The following NLGN1 variants were observed in gnomAD, a reference collection of about 807,000 sequenced individuals.
NLGN1 encodes the protein neuroligin-1.
NLGN1 carries 12 observed loss-of-function variants against 65.5 expected under a neutral mutation model. The observed-to-expected ratio is 0.18, with a 90% CI of 0.12 to 0.30. The LOEUF (loss-of-function observed/expected upper bound fraction) is 0.30, where lower values mean the gene tolerates loss of function less well. Among genes scored for constraint, NLGN1 ranks in the 10% least tolerant of loss-of-function variants. The pLI is 1.00. For synonymous variants in NLGN1, 350 were observed against 359.5 expected, an observed-to-expected ratio of 0.97 and a Z score of 0.30; for missense variants, 750 against 1,007.1, an observed-to-expected ratio of 0.74 and a Z score of 3.46.
chr3:173,838,094 AT>A (rs751726273), intron 4 of NLGN1, among the ~76,000 whole-genome samples: 1 of 152,020 alleles, frequency 6.6e-6, no homozygotes, highest in Non-Finnish European at 1.5e-5. Context: ...GTAGAATGAG[AT>A]TTTTTTGATT....
chr3:173,486,105 C>T (rs1053163826), intron 2 of NLGN1, among the ~76,000 whole-genome samples: 2 of 152,036 alleles, frequency 1.3e-5, no homozygotes, highest in Non-Finnish European at 2.9e-5. Context: ...AGTACAGTGG[C>T]GTGATCTTGG....
chr3:174,201,000 GC>G (rs1313019287), intron 4 of NLGN1, among the ~76,000 whole-genome samples: 1 of 152,116 alleles, frequency 6.6e-6, no homozygotes, highest in Non-Finnish European at 1.5e-5. Context: ...ACTTTAGAAT[GC>G]CGAGGTAGGT....
chr3:173,428,572 C>CT (rs1216994484), intron 1 of NLGN1, among the ~76,000 whole-genome samples: 2 of 151,778 alleles, frequency 1.3e-5, no homozygotes, highest in African/African-American at 2.4e-5. Flanking sequence ...ACATTTTGAC[C>CT]TTTTTTGTCT....
intron 2 of NLGN1, among the ~76,000 whole-genome samples, chr3:173,500,515 T>G (rs1013145806): frequency 4.6e-5 from 7 of 152,084 alleles, no homozygotes; most frequent in African/African-American, 1.7e-4. Flanking sequence ...AAAATTCTCT[T>G]TTTTTTGTGT....
intron 2 of NLGN1, among the ~76,000 whole-genome samples, chr3:173,456,714 G>A (rs1011014662): frequency 1.3e-5 from 2 of 152,040 alleles, no homozygotes; most frequent in Non-Finnish European, 2.9e-5. Context: ...AGAAAGCCAA[G>A]CCATTACTAC....
intron 4 of NLGN1, among the ~76,000 whole-genome samples, chr3:173,851,963 A>G (rs1044406014): frequency 3.9e-5 from 6 of 151,918 alleles, no homozygotes; most frequent in Non-Finnish European, 8.8e-5. Flanking sequence ...CATTAGTAGT[A>G]TGGAAAATCA....
At chr3:174,105,524 A>G (rs1713530885) in intron 4 of NLGN1, among the ~76,000 whole-genome samples, 1 of 152,114 alleles carries the variant, frequency 6.6e-6, no homozygotes, top group African/African-American at 2.4e-5. Flanking sequence ...ATCCTGGGCA[A>G]CAAAGTGAGA....
chr3:173,507,095 T>C (rs754488312), intron 2 of NLGN1, among the ~76,000 whole-genome samples: 1 of 152,200 alleles, frequency 6.6e-6, no homozygotes, highest in Non-Finnish European at 1.5e-5. Context: ...GAACACTTGC[T>C]ACTTCACACT....
chr3:174,167,804 T>C lies in NLGN1; in HGVS notation c.647-107511T>C, dbSNP rs1300066162. 3.3e-4 allele frequency among the ~76,000 whole-genome samples: 50 copies of C among 151,954 alleles called. 1 individual carries two copies. Among genetic ancestry groups the C allele is most frequent in the Admixed American group, 3.3e-3 (50 of 15,250 alleles). ...ATTCCTTCAAATATGTTTTTCAAGT[T>C]GTTTGCTTTTTTCTTTCTCTCTCAG... is the stretch of plus-strand genomic sequence containing the variant. On this transcript the variant is annotated intron_variant, in intron 4 of 6. Coordinates refer to ENST00000457714, the Ensembl canonical transcript of NLGN1.
At chr3:173,889,881 G>C (rs1042301033) in intron 4 of NLGN1, among the ~76,000 whole-genome samples, 1 of 151,944 alleles carries the variant, frequency 6.6e-6, no homozygotes, top group Non-Finnish European at 1.5e-5. Flanking sequence ...CAAAGAAAAC[G>C]TTTAAATTCT....
chr3:173,875,218 A>C (rs1449715586), intron 4 of NLGN1, among the ~76,000 whole-genome samples: 1 of 152,200 alleles, frequency 6.6e-6, no homozygotes, highest in Non-Finnish European at 1.5e-5. Flanking sequence ...TTGGTGAGTC[A>C]GTATAAAAAC....
chr3:173,773,523 T>C (rs376087137), intron 3 of NLGN1, among the ~76,000 whole-genome samples: 14 of 152,190 alleles, frequency 9.2e-5, no homozygotes, highest in Admixed American at 7.2e-4. Flanking sequence ...CATTATTGAT[T>C]TTAACTTACC....
chr3:173,712,184 TTTG>T (rs1769097633), intron 3 of NLGN1, among the ~76,000 whole-genome samples: 1 of 148,280 alleles, frequency 6.7e-6, no homozygotes. Flanking sequence ...CTGCAGTTTT[TTTG>T]TTTTGCTTTT....
chr3:174,004,834 C>A (rs759669484), intron 4 of NLGN1, among the ~76,000 whole-genome samples: 5 of 152,020 alleles, frequency 3.3e-5, no homozygotes, highest in Non-Finnish European at 7.4e-5. Context: ...CTGGGAGAGT[C>A]ATAACAATGT....
At chr3:173,873,156 T>G (rs1731487509) in intron 4 of NLGN1, among the ~76,000 whole-genome samples, 1 of 151,830 alleles carries the variant, frequency 6.6e-6, no homozygotes, top group Non-Finnish European at 1.5e-5. Context: ...TGGCGCTATG[T>G]CAGCTCACTG....
intron 3 of NLGN1, among the ~76,000 whole-genome samples, chr3:173,620,470 A>ACAT (rs1753814445): frequency 1.3e-5 from 2 of 152,058 alleles, no homozygotes; most frequent in African/African-American, 4.8e-5. Context: ...GGAACTCAAG[A>ACAT]AGGCAGGATA....
At chr3:173,878,736 C>T (rs779979047) in intron 4 of NLGN1, among the ~76,000 whole-genome samples, 17 of 146,664 alleles carry the variant, frequency 1.2e-4, no homozygotes, top group Non-Finnish European at 2.6e-4. Flanking sequence ...ATTTAACCTA[C>T]TGTGCTTCAG....
chr3:173,566,775 T>C (rs1743745047), intron 2 of NLGN1, among the ~76,000 whole-genome samples: 1 of 152,212 alleles, frequency 6.6e-6, no homozygotes, highest in African/African-American at 2.4e-5. Context: ...AAATGCCCTG[T>C]ATATTGGACA....
intron 4 of NLGN1, among the ~76,000 whole-genome samples, chr3:174,102,593 C>T (rs906306986): frequency 2.6e-5 from 4 of 152,106 alleles, no homozygotes; most frequent in African/African-American, 4.8e-5. Context: ...GGAATAAAAA[C>T]TCTTCTGGTT....
Sources: allele counts gnomAD v4.1 joint callset (sites outside exome capture counted in the v4.1 genomes callset), GRCh38; gene constraint gnomAD v4.1.1; transcripts MANE v1.5; gene names NCBI Gene and HGNC (gene_info 2026-07-23, HGNC 2026-07-21).